The following CHCHD6 variants were observed in gnomAD, a reference collection of about 807,000 sequenced individuals.
CHCHD6 encodes the protein coiled-coil-helix-coiled-coil-helix domain containing 6.
A neutral mutation model predicts 32.3 loss-of-function variants in CHCHD6; 28 were observed. The ratio of observed to expected loss-of-function variants is 0.87; its 90% CI spans 0.64 to 1.19. CHCHD6 has a LOEUF of 1.19. CHCHD6 is among the 50% of genes most tolerant of loss of function. CHCHD6 has a pLI of 0.00. For missense variants in CHCHD6, 333 were observed against 307.0 expected (o/e 1.08, Z -0.63); for synonymous variants, 122 against 117.5 (o/e 1.04, Z -0.25).
intron 5 of CHCHD6, among the ~76,000 whole-genome samples, chr3:126,871,636 T>G (rs1307683882): frequency 6.6e-6 from 1 of 151,582 alleles, no homozygotes; most frequent in African/African-American, 2.4e-5. Context: ...GAGGACAGCT[T>G]ATGCTCTTCC....
chr3:126,908,607 A>G (rs2078039127), intron 5 of CHCHD6, among the ~76,000 whole-genome samples: 1 of 152,172 alleles, frequency 6.6e-6, no homozygotes, highest in Non-Finnish European at 1.5e-5. Flanking sequence ...GTTAGTGAAC[A>G]AAACAAGCTA....
intron 4 of CHCHD6, among the ~76,000 whole-genome samples, chr3:126,739,344 T>TTTGTTGTTG (rs60465053): frequency 2.0e-5 from 3 of 151,878 alleles, no homozygotes; most frequent in East Asian, 1.9e-4. Context: ...CCACATATTC[T>TTTGTTGTTG]TTGTTGTTGT....
intron 4 of CHCHD6, among the ~76,000 whole-genome samples, chr3:126,806,438 C>A (rs1042082125): frequency 2.4e-4 from 36 of 152,048 alleles, no homozygotes; most frequent in African/African-American, 7.5e-4. Context: ...CCAAAAGACA[C>A]ATGAAAAAAT....
chr3:126,938,237 G>A lies in CHCHD6; in HGVS notation c.567-19179G>A, dbSNP rs563589779. ...GGGGAGTGGGAGGATGCTTAACAAG[G>A]TGGCCACATCTCTGGCACCGTAGCC... On this transcript the variant is annotated intron_variant, in intron 6 of 7. Transcript: ENST00000290913. Among the ~76,000 whole-genome samples the A allele has an allele frequency of 4.1e-4, 62 of 152,208 alleles. 1 individual carries two copies. The highest frequency in any genetic ancestry group is 2.8e-4 in the Non-Finnish European group (19 of 68,042).
intron 5 of CHCHD6, among the ~76,000 whole-genome samples, chr3:126,872,220 C>G (rs1015238974): frequency 6.6e-6 from 1 of 152,106 alleles, no homozygotes; most frequent in Non-Finnish European, 1.5e-5. Context: ...AGGACAGCCC[C>G]TCACAGCAAG....
At chr3:126,803,856 A>C (rs1463673936) in intron 4 of CHCHD6, among the ~76,000 whole-genome samples, 1 of 152,216 alleles carries the variant, frequency 6.6e-6, no homozygotes, top group African/African-American at 2.4e-5. Flanking sequence ...AAATTATAAC[A>C]AACTGTCTCT....
chr3:126,761,956 C>A (rs1937176380), intron 4 of CHCHD6, among the ~76,000 whole-genome samples: 2 of 152,252 alleles, frequency 1.3e-5, no homozygotes, highest in South Asian at 2.1e-4. Context: ...TATAATGCTC[C>A]TTATGTCCTT....
At chr3:126,780,293 A>C (rs565677558) in intron 4 of CHCHD6, 4 of 411,444 alleles carry the variant, frequency 9.7e-6, no homozygotes, top group Non-Finnish European at 1.9e-5. Context: ...TTTTGTTTTT[A>C]GTTTTTTCTA....
At chr3:126,869,504 A>G (rs1388584232) in intron 5 of CHCHD6, among the ~76,000 whole-genome samples, 5 of 152,008 alleles carry the variant, frequency 3.3e-5, no homozygotes, top group Non-Finnish European at 5.9e-5. Flanking sequence ...TGATGGTACA[A>G]AATTTTGCAT....
intron 5 of CHCHD6, among the ~76,000 whole-genome samples, chr3:126,903,179 C>T (rs2077956077): frequency 1.3e-5 from 2 of 152,182 alleles, no homozygotes; most frequent in Admixed American, 1.3e-4. Flanking sequence ...TCCAGCCTTC[C>T]CTCTGCACTC....
chr3:126,781,519 A>G (rs1937941486), intron 4 of CHCHD6, among the ~76,000 whole-genome samples: 1 of 152,238 alleles, frequency 6.6e-6, no homozygotes, highest in Admixed American at 6.5e-5. Flanking sequence ...GAAGACAGAG[A>G]TGCATCTGCT....
chr3:126,857,681 G>A (rs1445327605), intron 5 of CHCHD6, among the ~76,000 whole-genome samples: 3 of 152,202 alleles, frequency 2.0e-5, no homozygotes, highest in African/African-American at 7.2e-5. Context: ...AGGAAAAGGA[G>A]TGGTCAGCAA....
chr3:126,734,422 G>A (rs949775469), intron 4 of CHCHD6, among the ~76,000 whole-genome samples: 5 of 152,216 alleles, frequency 3.3e-5, no homozygotes, highest in Admixed American at 6.5e-5. Flanking sequence ...GGTTGAACAC[G>A]ATGTGAAAGC....
chr3:126,955,196 G>A (rs563513201), intron 6 of CHCHD6, among the ~76,000 whole-genome samples: 47 of 152,356 alleles, frequency 3.1e-4, no homozygotes, highest in African/African-American at 1.1e-3. Context: ...ATGTGGAGCC[G>A]TGCTTAAGCA....
intron 6 of CHCHD6, among the ~76,000 whole-genome samples, chr3:126,933,425 A>G (rs551407599): frequency 4.1e-4 from 62 of 152,314 alleles, no homozygotes; most frequent in Admixed American, 1.6e-3. Context: ...GAGGCTGGGT[A>G]ATTTATAAAG....
intron 4 of CHCHD6, among the ~76,000 whole-genome samples, chr3:126,789,979 T>C (rs113904541): frequency 0.2 from 30,479 of 152,070 alleles, 3,444 homozygotes; most frequent in African/African-American, 0.3. Context: ...TTCCTTTCCA[T>C]GTTTAGTGCT....
At chr3:126,892,505 T>A (rs1244551516) in intron 5 of CHCHD6, among the ~76,000 whole-genome samples, 1 of 152,184 alleles carries the variant, frequency 6.6e-6, no homozygotes, top group Non-Finnish European at 1.5e-5. Flanking sequence ...CCCTGAGACT[T>A]AGAGCTGCTT....
chr3:126,812,333 CATGATGTTATCAATCTCATGT>C (rs1939693062), intron 4 of CHCHD6, among the ~76,000 whole-genome samples: 1 of 135,136 alleles, frequency 7.4e-6, no homozygotes, highest in Non-Finnish European at 1.6e-5. Context: ...TTTTTTTTGG[CATGATGTTATCAATCTCATGT>C]TAAAAATTTG....
intron 5 of CHCHD6, among the ~76,000 whole-genome samples, chr3:126,870,932 G>C (rs1038841720): frequency 2.0e-5 from 3 of 152,138 alleles, no homozygotes; most frequent in African/African-American, 7.2e-5. Flanking sequence ...GTCTTGTCTT[G>C]GGCATCTTCC....
Sources: gnomAD v4.1 joint callset for allele counts (sites outside exome capture counted in the v4.1 genomes callset) on GRCh38, gnomAD v4.1.1 for gene constraint, MANE v1.5 for transcripts, NCBI Gene and HGNC (gene_info 2026-07-23, HGNC 2026-07-21) for gene names.